Variants in PCDH9 observed in about 807,000 individuals in gnomAD.
PCDH9 encodes protocadherin 9, also known as protocadherin-9.
PCDH9 carries 24 observed loss-of-function variants against 70.6 expected under a neutral mutation model. That is an observed-to-expected ratio of 0.34 (90% CI 0.25 to 0.48). The LOEUF (loss-of-function observed/expected upper bound fraction) is 0.48, where lower values mean the gene tolerates loss of function less well. Among genes scored for constraint, PCDH9 ranks in the 20% least tolerant of loss-of-function variants. The pLI, the probability that PCDH9 is intolerant of heterozygous loss-of-function variation, is 0.99. For synonymous variants in PCDH9, 562 were observed against 558.5 expected (o/e 1.01, Z -0.09); for missense variants, 1,281 against 1,503.6 (o/e 0.85, Z 2.45).
chr13:66,861,088 G>A (rs1323962323), intron 3 of PCDH9, among the ~76,000 whole-genome samples: 2 of 152,162 alleles, frequency 1.3e-5, no homozygotes, highest in African/African-American at 4.8e-5. Flanking sequence ...CAGGTCTAGT[G>A]GCTCCTTCTA....
At chr13:66,745,256 T>G (rs1275555932) in intron 3 of PCDH9, among the ~76,000 whole-genome samples, 1 of 152,194 alleles carries the variant, frequency 6.6e-6, no homozygotes, top group Non-Finnish European at 1.5e-5. Context: ...ATTTTATTAA[T>G]CTATGTTTCA....
intron 3 of PCDH9, among the ~76,000 whole-genome samples, chr13:66,749,506 T>C (rs1446033290): frequency 6.6e-6 from 1 of 152,148 alleles, no homozygotes; most frequent in Non-Finnish European, 1.5e-5. Context: ...GAAAACTGGT[T>C]TAGAGTCCAA....
chr13:67,140,025 A>ACCCCCCCCCC lies in PCDH9; in HGVS notation c.3036+85370_3036+85379dup, dbSNP rs34514187. Among the ~76,000 whole-genome samples, 103 of 65,970 alleles carry ACCCCCCCCCC rather than the reference A, an allele frequency of 1.6e-3. 1 individual carries two copies. Among genetic ancestry groups the ACCCCCCCCCC allele is most frequent in the Non-Finnish European group, 2.0e-3 (70 of 35,720 alleles). The allele number at this position is 65,970 out of a possible 152,430, so 43.3% of individuals were successfully genotyped here. ...CTACTGAAAATGTGATTTTTTGATCACCCCCCCCCCCCCGCCCATTGTGTT... is the reference window on the plus strand; with the variant it reads ...CTACTGAAAATGTGATTTTTTGATCACCCCCCCCCCCCCCCCCCCCCCCGCCCATTGTGTT... On this transcript the variant is annotated intron_variant, in intron 2 of 4. Transcript: ENST00000377865.
chr13:66,355,180 T>C (rs1416309325), intron 4 of PCDH9, among the ~76,000 whole-genome samples: 1 of 152,148 alleles, frequency 6.6e-6, no homozygotes, highest in Admixed American at 6.6e-5. Context: ...GATACTGTTT[T>C]TTTTTTAATC....
intron 2 of PCDH9, among the ~76,000 whole-genome samples, chr13:66,955,172 A>G (rs528835189): frequency 1.3e-5 from 2 of 152,340 alleles, no homozygotes; most frequent in African/African-American, 4.8e-5. Flanking sequence ...CATGTGAAAG[A>G]TCAGAATTCT....
chr13:67,087,273 G>A (rs2086127517), intron 2 of PCDH9, among the ~76,000 whole-genome samples: 2 of 151,890 alleles, frequency 1.3e-5, no homozygotes, highest in Admixed American at 6.6e-5. Context: ...GAAGACATGT[G>A]TGCTAAAAAC....
chr13:66,937,416 A>G (rs924189324), intron 2 of PCDH9, among the ~76,000 whole-genome samples: 1 of 152,224 alleles, frequency 6.6e-6, no homozygotes, highest in Non-Finnish European at 1.5e-5. Flanking sequence ...TATCTGCATC[A>G]TATGTATCAC....
At chr13:66,809,140 G>C (rs1040372369) in intron 3 of PCDH9, among the ~76,000 whole-genome samples, 1 of 152,034 alleles carries the variant, frequency 6.6e-6, no homozygotes, top group African/African-American at 2.4e-5. Context: ...AGTAGAGACG[G>C]GGTTTCACCG....
intron 4 of PCDH9, among the ~76,000 whole-genome samples, chr13:66,602,379 T>C (rs111428888): frequency 0.029 from 4,164 of 145,902 alleles, 450 homozygotes; most frequent in African/African-American, 0.097. Context: ...TGTTATTGCC[T>C]CTGAAGACCT....
chr13:66,318,032 T>C (rs1444386), intron 4 of PCDH9, among the ~76,000 whole-genome samples: 113,631 of 151,920 alleles, frequency 0.75, 42,717 homozygotes, highest in Non-Finnish European at 0.79. Context: ...GCCATTACTC[T>C]GTTATTGAAA....
At chr13:66,939,424 A>ATGTGTGTGTGTGTG (rs57997772) in intron 2 of PCDH9, among the ~76,000 whole-genome samples, 5,077 of 148,054 alleles carry the variant, frequency 0.034, 119 homozygotes, top group Middle Eastern at 0.059. Flanking sequence ...TTTAAAATAT[A>ATGTGTGTGTGTGTG]TGTGTGTGTG....
intron 3 of PCDH9, among the ~76,000 whole-genome samples, chr13:66,882,010 TA>T (rs1290813798): frequency 2.6e-5 from 4 of 152,182 alleles, no homozygotes; most frequent in Non-Finnish European, 5.9e-5. Context: ...CTCTTTAAAG[TA>T]AATTTACACT....
At chr13:66,521,999 C>A (rs929727050) in intron 4 of PCDH9, among the ~76,000 whole-genome samples, 1 of 147,276 alleles carries the variant, frequency 6.8e-6, no homozygotes, top group Admixed American at 6.9e-5. Flanking sequence ...CAAAGTGAGA[C>A]CCTGTCTCAA....
At chr13:66,556,193 G>A (rs1182999383) in intron 4 of PCDH9, among the ~76,000 whole-genome samples, 1 of 151,756 alleles carries the variant, frequency 6.6e-6, no homozygotes, top group Non-Finnish European at 1.5e-5. Context: ...CTTTTCAGTA[G>A]CACCGTGTTT....
At chr13:66,906,808 T>C (rs532713751) in intron 2 of PCDH9, among the ~76,000 whole-genome samples, 14 of 152,270 alleles carry the variant, frequency 9.2e-5, no homozygotes, top group African/African-American at 2.4e-4. Context: ...ACCCAAACTT[T>C]TAAGAAAAAA....
At chr13:66,380,837 C>T (rs1191468257) in intron 4 of PCDH9, among the ~76,000 whole-genome samples, 1 of 152,190 alleles carries the variant, frequency 6.6e-6, no homozygotes, top group Non-Finnish European at 1.5e-5. Flanking sequence ...GCCACCGCGC[C>T]AGCCAGATCT....
chr13:66,767,913 A>G (rs2079744446), intron 3 of PCDH9, among the ~76,000 whole-genome samples: 1 of 152,104 alleles, frequency 6.6e-6, no homozygotes, highest in Admixed American at 6.6e-5. Flanking sequence ...GCTTAGTTCT[A>G]TGTCTACTTC....
At chr13:66,740,655 G>A (rs1351702378) in intron 3 of PCDH9, among the ~76,000 whole-genome samples, 3 of 150,166 alleles carry the variant, frequency 2.0e-5, no homozygotes, top group South Asian at 4.2e-4. Context: ...ATGATAAAGG[G>A]GATATCACCA....
At chr13:66,855,985 T>A (rs564370890) in intron 3 of PCDH9, among the ~76,000 whole-genome samples, 17 of 152,080 alleles carry the variant, frequency 1.1e-4, no homozygotes, top group Middle Eastern at 3.4e-3. Flanking sequence ...TGAACATGGT[T>A]TACTAAGTTT....
Sources: allele counts gnomAD v4.1 joint callset (sites outside exome capture counted in the v4.1 genomes callset), GRCh38; gene constraint gnomAD v4.1.1; transcripts MANE v1.5; gene names NCBI Gene and HGNC (gene_info 2026-07-23, HGNC 2026-07-21).